MYH7B: variants seen among roughly 807,000 people sequenced by gnomAD.
The protein encoded by MYH7B is myosin heavy chain 7B.
A neutral mutation model predicts 234.5 loss-of-function variants in MYH7B; 205 were observed. That is an observed-to-expected ratio of 0.87 (90% CI 0.78 to 0.98). The LOEUF is 0.98. Among genes scored for constraint, MYH7B ranks in the 50% least tolerant of loss-of-function variants. The probability of loss-of-function intolerance (pLI) is 0.00; values close to 1 mark genes in which losing one functional copy is unlikely to be tolerated. For synonymous variants in MYH7B, 1,193 were observed against 1,105.0 expected, an observed-to-expected ratio of 1.08 and a Z score of -1.58; for missense variants, 2,652 against 2,633.4, an observed-to-expected ratio of 1.01 and a Z score of -0.15.
At chr20:34,974,386 C>T (rs1244081570) in intron 2 of MYH7B, among the ~76,000 whole-genome samples, 1 of 152,060 alleles carries the variant, frequency 6.6e-6, no homozygotes, top group African/African-American at 2.4e-5. Context: ...TACTTAAGTC[C>T]TTGCAGGTTA....
At chr20:34,988,019 C>T (rs1600441400) in intron 18 of MYH7B, 73 bp from the exon 19 acceptor site, 1 of 1,573,932 alleles carries the variant, frequency 6.4e-7, no homozygotes, top group East Asian at 2.2e-5. Context: ...TGGGGGTGAA[C>T]TCATGCCCCT....
chr20:34,992,962 C>T, intron 24 of MYH7B, 140 bp from the exon 25 acceptor site: 1 of 1,070,074 alleles, frequency 9.3e-7, no homozygotes, highest in East Asian at 2.4e-5. Context: ...CTGCTGGAAC[C>T]TCTGCACCAG....
In MYH7B at chr20:34,995,190, A is replaced by G. The variant is rs2082231060; in HGVS notation, c.2701-146A>G. The G allele has an allele frequency of 1.2e-5, 9 of 779,106 alleles. No homozygotes were observed. In the South Asian group the frequency reaches 1.4e-4, roughly 12 times the overall value. The allele number at this position is 779,106 out of a possible 1,614,324, so 48.3% of individuals were successfully genotyped here. On this transcript the variant is annotated intron_variant, in intron 27 of 44. Coordinates refer to ENST00000262873, the Ensembl canonical transcript of MYH7B. Reference sequence around the variant, plus strand: ...TCTGCGCTATTGCCCTTCCATGCCCAAGAGCGAGTCAAGACATTCCTGAGT... The same window carrying G: ...TCTGCGCTATTGCCCTTCCATGCCCGAGAGCGAGTCAAGACATTCCTGAGT...
chr20:34,997,811 G>A (rs1355452430), intron 32 of MYH7B, among the ~76,000 whole-genome samples, 171 bp downstream of exon 32: 2 of 152,032 alleles, frequency 1.3e-5, no homozygotes, highest in Non-Finnish European at 2.9e-5. Flanking sequence ...CTGACCTTAA[G>A]CCGTGACTCC....
At chr20:34,989,360 C>A (rs1417270964) in intron 19 of MYH7B, among the ~76,000 whole-genome samples, 3 of 152,174 alleles carry the variant, frequency 2.0e-5, no homozygotes, top group Admixed American at 6.5e-5. Flanking sequence ...CGGAGGGCCC[C>A]ACAGCTAGTG....
At chr20:34,977,982 C>T in exon 5 of MYH7B, 2 of 1,614,062 alleles carry the variant, frequency 1.2e-6, no homozygotes, top group African/African-American at 1.3e-5. Context: ...CCAGCTCCTC[C>T]TCCTTCACCC....
exon 36 of MYH7B, chr20:34,999,164 G>T: frequency 1.2e-6 from 2 of 1,613,758 alleles, no homozygotes; most frequent in Non-Finnish European, 1.7e-6. Flanking sequence ...CAGAGTCAGA[G>T]GATGTAACCC....
At chr20:34,969,057 G>A (rs538460718) in intron 2 of MYH7B, among the ~76,000 whole-genome samples, 36 of 152,296 alleles carry the variant, frequency 2.4e-4, no homozygotes, top group African/African-American at 8.7e-4. Flanking sequence ...TGCTTGGCCT[G>A]GAAGCTGGGA....
chr20:34,970,295 G>A (rs775563347), intron 2 of MYH7B, among the ~76,000 whole-genome samples: 2 of 152,214 alleles, frequency 1.3e-5, no homozygotes, highest in Non-Finnish European at 2.9e-5. Context: ...CAGTGCCCAT[G>A]AGTGTCTGCC....
chr20:35,000,503 G>A, exon 39 of MYH7B: 1 of 1,598,406 alleles, frequency 6.3e-7, no homozygotes, highest in Non-Finnish European at 8.5e-7. Flanking sequence ...AGGCAGGGCG[G>A]GACGAGGAGC....
At chr20:34,996,239 C>T (rs1265781174) in intron 28 of MYH7B, 107 bp from the exon 29 acceptor site, 1 of 1,311,354 alleles carries the variant, frequency 7.6e-7, no homozygotes, top group Admixed American at 2.5e-5. Flanking sequence ...AAGTGACTTG[C>T]CTGAGTCCCA....
intron 2 of MYH7B, among the ~76,000 whole-genome samples, chr20:34,971,898 A>ACCCAGTCCTGCCCCACTC (rs2081796559): frequency 6.6e-6 from 1 of 151,932 alleles, no homozygotes; most frequent in Admixed American, 6.6e-5. Context: ...CCAGCCCACT[A>ACCCAGTCCTGCCCCACTC]CCCAGTCCTG....
At chr20:34,996,347 TGAA>T in exon 29 of MYH7B, 1 of 1,581,988 alleles carries the variant, frequency 6.3e-7, no homozygotes, top group Non-Finnish European at 8.6e-7. Flanking sequence ...CTGGCACAGG[TGAA>T]GAACCTGACG....
chr20:34,988,419 C>T (rs766623665), intron 19 of MYH7B, among the ~76,000 whole-genome samples, 157 bp downstream of exon 19: 1 of 151,996 alleles, frequency 6.6e-6, no homozygotes, highest in Non-Finnish European at 1.5e-5. Flanking sequence ...GTTGTGACAG[C>T]GTTTATGTGC....
chr20:34,998,979 G>A, intron 35 of MYH7B, 64 bp downstream of exon 35: 3 of 1,583,282 alleles, frequency 1.9e-6, no homozygotes, highest in East Asian at 2.2e-5. Flanking sequence ...GAGCCCCGCT[G>A]AGGGTGGGTG....
intron 19 of MYH7B, among the ~76,000 whole-genome samples, chr20:34,988,845 T>C (rs2082085576): frequency 6.8e-6 from 1 of 147,178 alleles, no homozygotes; most frequent in African/African-American, 2.5e-5. Context: ...AGTCTCACTC[T>C]GTCGCCCAGG....
At chr20:34,976,427 C>T (rs574551942) in intron 3 of MYH7B, among the ~76,000 whole-genome samples, 3 of 152,348 alleles carry the variant, frequency 2.0e-5, no homozygotes, top group Admixed American at 6.5e-5. Flanking sequence ...CTGAGGTTCT[C>T]AGATCCTTTC....
At chr20:34,987,327 T>G in intron 16 of MYH7B, 40 bp downstream of exon 16, 2 of 1,604,294 alleles carry the variant, frequency 1.2e-6, no homozygotes, top group Non-Finnish European at 1.7e-6. Context: ...GACCCAGACC[T>G]CAGCATCCTG....
chr20:34,968,758 C>T (rs979656669), intron 2 of MYH7B, among the ~76,000 whole-genome samples: 2 of 152,200 alleles, frequency 1.3e-5, no homozygotes, highest in Admixed American at 6.5e-5. Flanking sequence ...GTTAGAGGGG[C>T]CCACTACCCA....
Sources: allele counts gnomAD v4.1 joint callset (sites outside exome capture counted in the v4.1 genomes callset), GRCh38; gene constraint gnomAD v4.1.1; transcripts MANE v1.5; gene names NCBI Gene and HGNC (gene_info 2026-07-23, HGNC 2026-07-21).